Variants in SSBP2 observed in about 807,000 individuals in gnomAD.
The protein encoded by SSBP2 is single-stranded DNA-binding protein 2.
SSBP2 carries 17 observed loss-of-function variants against 61.8 expected under a neutral mutation model. The ratio of observed to expected loss-of-function variants is 0.28; its 90% CI spans 0.19 to 0.41. The LOEUF is 0.41. Among genes scored for constraint, SSBP2 ranks in the 10% least tolerant of loss-of-function variants. SSBP2 has a pLI of 1.00. For synonymous variants in SSBP2, 139 were observed against 141.3 expected, an observed-to-expected ratio of 0.98 and a Z score of 0.12; for missense variants, 310 against 458.7, an observed-to-expected ratio of 0.68 and a Z score of 2.96.
At chr5:81,652,334 AC>A (rs1352619190) in intron 1 of SSBP2, among the ~76,000 whole-genome samples, 1 of 152,212 alleles carries the variant, frequency 6.6e-6, no homozygotes, top group Non-Finnish European at 1.5e-5. Flanking sequence ...TACCTAAGAA[AC>A]AAAAAGTTTA....
chr5:81,472,816 G>T (rs539215264), intron 8 of SSBP2, among the ~76,000 whole-genome samples: 2 of 152,230 alleles, frequency 1.3e-5, no homozygotes, highest in South Asian at 4.1e-4. Flanking sequence ...GGCCAGGCTG[G>T]TCTCAAACTC....
intron 4 of SSBP2, among the ~76,000 whole-genome samples, chr5:81,549,600 C>T (rs546669538): frequency 3.3e-5 from 5 of 152,276 alleles, no homozygotes; most frequent in African/African-American, 9.6e-5. Flanking sequence ...ACCTCATAGC[C>T]TCCACCTATA....
chr5:81,745,438 T>C (rs1026081700), intron 1 of SSBP2, among the ~76,000 whole-genome samples: 6 of 152,090 alleles, frequency 3.9e-5, no homozygotes, highest in Non-Finnish European at 8.8e-5. Flanking sequence ...ATTATTTATA[T>C]TCCAAACGCT....
At chr5:81,692,164 C>G (rs1753255311) in intron 1 of SSBP2, among the ~76,000 whole-genome samples, 1 of 152,168 alleles carries the variant, frequency 6.6e-6, no homozygotes, top group Non-Finnish European at 1.5e-5. Context: ...GGGAAAGCTG[C>G]AGGAAGCAAA....
chr5:81,642,657 T>A (rs12521077), intron 2 of SSBP2, among the ~76,000 whole-genome samples: 19,613 of 152,254 alleles, frequency 0.13, 1,580 homozygotes, highest in Non-Finnish European at 0.18. Context: ...AGCATTGTTT[T>A]AATTGAAAGA....
intron 1 of SSBP2, among the ~76,000 whole-genome samples, chr5:81,681,079 G>C (rs998693182): frequency 2.0e-5 from 3 of 152,036 alleles, no homozygotes; most frequent in Admixed American, 6.6e-5. Flanking sequence ...TCTGCTCTCA[G>C]ACACAAAAGA....
intron 7 of SSBP2, 59 bp downstream of exon 7, chr5:81,474,430 TTAAGAGA>T: frequency 7.1e-7 from 1 of 1,411,922 alleles, no homozygotes; most frequent in Non-Finnish European, 1.0e-6. Flanking sequence ...ACAATTTTCC[TTAAGAGA>T]TAAAAGATTT....
In SSBP2 at chr5:81,646,802, G is replaced by A. The variant is rs971285980; in HGVS notation, c.135+3465C>T. On this transcript the variant is annotated intron_variant, in intron 2 of 16. Transcript: ENST00000320672. ...CAAAGGTCTTCATGTGCAGGTCCCTGTAGATTGTACTATCACCTTAGGTGA... is the reference window on the plus strand; with the variant it reads ...CAAAGGTCTTCATGTGCAGGTCCCTATAGATTGTACTATCACCTTAGGTGA... Among the ~76,000 whole-genome samples, 5 of 148,030 alleles carry A rather than the reference G, an allele frequency of 3.4e-5. No homozygotes were observed. In the Admixed American group the frequency reaches 3.5e-4, roughly 10 times the overall value.
At chr5:81,464,709 A>G (rs1438746503) in intron 9 of SSBP2, among the ~76,000 whole-genome samples, 1 of 152,132 alleles carries the variant, frequency 6.6e-6, no homozygotes, top group East Asian at 1.9e-4. Context: ...TCCTCCTAAC[A>G]CATAAATATT....
chr5:81,745,011 A>C (rs1305573455), intron 1 of SSBP2, among the ~76,000 whole-genome samples: 1 of 152,134 alleles, frequency 6.6e-6, no homozygotes, highest in East Asian at 1.9e-4. Context: ...TTATAAGAAA[A>C]ACATTAACAG....
chr5:81,662,114 G>A (rs984752405), intron 1 of SSBP2, among the ~76,000 whole-genome samples: 4 of 152,132 alleles, frequency 2.6e-5, no homozygotes, highest in Non-Finnish European at 5.9e-5. Flanking sequence ...ACTTCTCTCT[G>A]CCTAATCTAT....
intron 1 of SSBP2, among the ~76,000 whole-genome samples, chr5:81,704,625 G>A (rs1196108572): frequency 5.9e-5 from 9 of 151,698 alleles, no homozygotes; most frequent in Admixed American, 3.9e-4. Flanking sequence ...GCGAAACCCC[G>A]TCTCTACTAA....
chr5:81,604,452 G>A (rs1744683145), intron 4 of SSBP2, among the ~76,000 whole-genome samples: 1 of 151,952 alleles, frequency 6.6e-6, no homozygotes, highest in Non-Finnish European at 1.5e-5. Context: ...GTAATGGTAG[G>A]AAAACCCATG....
intron 16 of SSBP2, among the ~76,000 whole-genome samples, chr5:81,422,523 A>G (rs1761677110): frequency 6.6e-6 from 1 of 152,212 alleles, no homozygotes; most frequent in African/African-American, 2.4e-5. Context: ...CATCAAGGAA[A>G]ATCTATTAAT....
intron 1 of SSBP2, among the ~76,000 whole-genome samples, chr5:81,705,574 A>G (rs1234863962): frequency 6.6e-6 from 1 of 152,190 alleles, no homozygotes; most frequent in African/African-American, 2.4e-5. Flanking sequence ...CTACATCGCA[A>G]TTAGATGTCA....
At chr5:81,632,877 A>C (rs937303424) in intron 3 of SSBP2, among the ~76,000 whole-genome samples, 1 of 152,106 alleles carries the variant, frequency 6.6e-6, no homozygotes, top group African/African-American at 2.4e-5. Context: ...CTTCACAGTC[A>C]CTTCTGAATC....
At chr5:81,599,838 T>C (rs1178255533) in intron 4 of SSBP2, among the ~76,000 whole-genome samples, 3 of 152,234 alleles carry the variant, frequency 2.0e-5, no homozygotes, top group Non-Finnish European at 4.4e-5. Flanking sequence ...TCTGAACTCC[T>C]TCTAAGCTCC....
chr5:81,474,476 TTTTAC>T lies in SSBP2; in HGVS notation c.499+15_499+19del. 1 of 1,609,266 alleles carries T rather than the reference TTTTAC, an allele frequency of 6.2e-7. No individual in the cohort carries two copies. The highest frequency in any genetic ancestry group is 8.5e-7 in the Non-Finnish European group (1 of 1,176,482). ...CTATGGTTCTGCACATCAATTTTCCTTTTACTTTAGAGTAGTCACCTTGTTGTCGA... is the reference window on the plus strand; with the variant it reads ...CTATGGTTCTGCACATCAATTTTCCTTTTAGAGTAGTCACCTTGTTGTCGA... On this transcript the variant is annotated intron_variant, in intron 7 of 16. Transcript: ENST00000320672.
At chr5:81,436,518 T>C (rs1399154831) in intron 15 of SSBP2, among the ~76,000 whole-genome samples, 2 of 152,190 alleles carry the variant, frequency 1.3e-5, no homozygotes, top group Non-Finnish European at 2.9e-5. Context: ...TTTTTAGAAC[T>C]TGAAGTCTTA....
Sources: allele counts gnomAD v4.1 joint callset (sites outside exome capture counted in the v4.1 genomes callset), GRCh38; gene constraint gnomAD v4.1.1; transcripts MANE v1.5; gene names NCBI Gene and HGNC (gene_info 2026-07-23, HGNC 2026-07-21).